Variants in ACSBG1 observed in about 807,000 individuals in gnomAD.
ACSBG1 encodes the protein long-chain-fatty-acid--CoA ligase ACSBG1.
In ACSBG1, 39 loss-of-function variants were observed where a neutral mutation model predicts 80.2. That is an observed-to-expected ratio of 0.49 (90% CI 0.38 to 0.64). ACSBG1 has a LOEUF of 0.64. ACSBG1 is among the 30% of genes least tolerant of loss of function. The pLI is 0.00. For missense variants in ACSBG1, 828 were observed against 966.4 expected (o/e 0.86, Z 1.90); for synonymous variants, 392 against 379.5 (o/e 1.03, Z -0.38).
At chr15:78,219,915 G>A (rs554955159) in intron 1 of ACSBG1, among the ~76,000 whole-genome samples, 2 of 152,144 alleles carry the variant, frequency 1.3e-5, no homozygotes, top group South Asian at 4.1e-4. Flanking sequence ...ACCTGGAGGC[G>A]GAGCTTGCAG....
intron 2 of ACSBG1, among the ~76,000 whole-genome samples, chr15:78,204,705 C>T (rs766792011): frequency 1.1e-4 from 16 of 152,226 alleles, no homozygotes; most frequent in Non-Finnish European, 1.8e-4. Context: ...TCGGAGGCTG[C>T]GGGGACAGGC....
rs1487539989 is a variant in ACSBG1 at position 78,182,237 on chromosome 15, T to A, written c.895-92A>T. ...GCCACCCTGGGGGCCAGCCCCAGTG[T>A]GGTGCCCCCTGTGGCGATTCTGCAG... On this transcript the variant is annotated intron_variant, in intron 7 of 13. Coordinates refer to ENST00000258873, the MANE Select transcript of ACSBG1 (RefSeq NM_015162.5). 3 of 1,488,412 alleles carry A rather than the reference T, an allele frequency of 2.0e-6. No individual in the cohort carries two copies. The East Asian group carries it at 7.0e-5, about 35-fold the overall frequency. The allele number at this position is 1,488,412 out of a possible 1,614,324, so 92.2% of individuals were successfully genotyped here. A position where few individuals can be genotyped will look rare whatever the true frequency, so the allele number is the denominator to read the frequency against.
rs184995092 is a variant in ACSBG1 at position 78,172,104 on chromosome 15, G to A, written c.2090-575C>T. Among the ~76,000 whole-genome samples, 176 of 152,352 alleles carry A rather than the reference G, an allele frequency of 1.2e-3. 1 individual carries two copies. The highest frequency in any genetic ancestry group is 3.5e-3 in the African/African-American group (144 of 41,584). On this transcript the variant is annotated intron_variant, in intron 13 of 13. Transcript: ENST00000258873. The surrounding 1 kb of genome is among the most constrained non-coding windows in gnomAD (Gnocchi z 4.1). ...GGAGCTGAGGCCTGCCGACAGCCACGTAAGTGAGCGCGGAGGTGAGCCTCA... is the reference window on the plus strand; with the variant it reads ...GGAGCTGAGGCCTGCCGACAGCCACATAAGTGAGCGCGGAGGTGAGCCTCA...
At chr15:78,197,303 C>G (rs763111462) in intron 2 of ACSBG1, among the ~76,000 whole-genome samples, 1 of 151,850 alleles carries the variant, frequency 6.6e-6, no homozygotes, top group Non-Finnish European at 1.5e-5. Context: ...AGGAAATGTC[C>G]CAACATTGGA....
chr15:78,179,662 C>G lies in ACSBG1; in HGVS notation c.1372G>C (p.Glu458Gln). The G allele has an allele frequency of 6.2e-7, 1 of 1,614,208 alleles. No homozygotes were observed. The highest frequency in any genetic ancestry group is 8.5e-7 in the Non-Finnish European group (1 of 1,180,030). ...NFYGAAPMMAETQHFFLGLNI... is the reference protein window; with the variant it reads ...NFYGAAPMMAQTQHFFLGLNI... ...AGACCCAGGAAGAAGTGCTGTGTCT[C>G]TGCCATCATGGGGGCCGCTCCATAG... Residue 458 changes from glutamate (E) to glutamine (Q), a missense_variant, in exon 10 of 14, where the codon GAG (glutamate) becomes CAG (glutamine). Transcript: ENST00000258873.
At chr15:78,173,986 C>T in intron 12 of ACSBG1, 147 bp from the exon 13 acceptor site, 1 of 987,648 alleles carries the variant, frequency 1.0e-6, no homozygotes, top group Non-Finnish European at 1.4e-6. Flanking sequence ...GTAGCTGCTA[C>T]TGTGTTGAGC....
intron 1 of ACSBG1, among the ~76,000 whole-genome samples, chr15:78,222,672 T>A (rs1365585239): frequency 6.6e-6 from 1 of 152,106 alleles, no homozygotes; most frequent in Admixed American, 6.5e-5. Flanking sequence ...TAGAAAAAGA[T>A]AATATTTTAA....
chr15:78,202,797 T>G (rs900912122), intron 2 of ACSBG1, among the ~76,000 whole-genome samples: 9 of 152,132 alleles, frequency 5.9e-5, no homozygotes, highest in Non-Finnish European at 1.3e-4. Flanking sequence ...GCAATCATAC[T>G]TTCTGGAAGT....
chr15:78,215,927 C>T (rs1198777396), intron 1 of ACSBG1, among the ~76,000 whole-genome samples: 3 of 152,166 alleles, frequency 2.0e-5, no homozygotes, highest in Non-Finnish European at 4.4e-5. Flanking sequence ...CACTAGCTGA[C>T]CTGCTGTGGT....
At chr15:78,208,915 TG>T (rs1242877730) in intron 1 of ACSBG1, among the ~76,000 whole-genome samples, 1 of 152,224 alleles carries the variant, frequency 6.6e-6, no homozygotes, top group Admixed American at 6.5e-5. Context: ...GCTGAGCAGC[TG>T]GATTTCAGTA....
Position 78,182,134 on chromosome 15 carries a change from C to T in ACSBG1, c.906G>A (p.Thr302=), listed in dbSNP as rs2304823. ...CACCGGCCTGGCTGCCGTACCGTGC[C>T]GTCCACGTGATCTGGAGGACAAGTA... ...VMLSQDNITW[T]ARYGSQAGDI... Residue 302 remains threonine (T), a synonymous_variant, in exon 8 of 14, where the codon ACG becomes ACA. Coordinates refer to ENST00000258873, the MANE Select transcript of ACSBG1 (RefSeq NM_015162.5). The T allele has an allele frequency of 0.035, 56,556 of 1,609,334 alleles. 2,239 individuals carry two copies. The highest frequency in any genetic ancestry group is 0.18 in the East Asian group (8,145 of 44,854).
chr15:78,234,550 C>T lies in ACSBG1; in HGVS notation c.-49G>A, dbSNP rs371456388. 37 of 1,542,762 alleles carry T rather than the reference C, an allele frequency of 2.4e-5. No individual in the cohort carries two copies. Among genetic ancestry groups the T allele is most frequent in the Middle Eastern group, 2.1e-4 (1 of 4,744 alleles). On this transcript the variant is annotated 5_prime_UTR_variant, in exon 1 of 14. Transcript: ENST00000258873. ...CAGCTCAGTCACCCACTGAGAGAGG[C>T]TAGCCTTGAGTGAGCAGTGGGGGTG... is the stretch of plus-strand genomic sequence containing the variant.
Position 78,178,586 on chromosome 15 carries a change from G to A in ACSBG1, c.1702+28C>T, listed in dbSNP as rs770560069. ...CAAAGTGCTGGGATTACAGGCATGA[G>A]CCACCGTGCCTGGCCTGGGGTGCTC... On this transcript the variant is annotated intron_variant, in intron 11 of 13. Transcript: ENST00000258873. This position sits in a 1 kb window ranked among gnomAD's most constrained non-coding sequence, Gnocchi z 4.3. 1 of 1,579,896 alleles carries A rather than the reference G, an allele frequency of 6.3e-7. No individual in the cohort carries two copies. The highest frequency in any genetic ancestry group is 8.6e-7 in the Non-Finnish European group (1 of 1,163,792).
At chr15:78,223,573 TCA>T (rs2075376444) in intron 1 of ACSBG1, among the ~76,000 whole-genome samples, 1 of 152,154 alleles carries the variant, frequency 6.6e-6, no homozygotes, top group South Asian at 2.1e-4. Context: ...AGCTGCCACG[TCA>T]CAGACACTCA....
chr15:78,226,782 A>G (rs1173525255), intron 1 of ACSBG1, among the ~76,000 whole-genome samples: 2 of 109,984 alleles, frequency 1.8e-5, no homozygotes, highest in Non-Finnish European at 3.6e-5. Flanking sequence ...GAACACATAG[A>G]AAAATATATA....
chr15:78,188,164 G>T (rs368776131), intron 5 of ACSBG1, among the ~76,000 whole-genome samples: 2 of 152,048 alleles, frequency 1.3e-5, no homozygotes, highest in Non-Finnish European at 2.9e-5. Flanking sequence ...CACTGCTCAA[G>T]GAAATAAAAG....
chr15:78,227,456 CT>C (rs1286417828), intron 1 of ACSBG1, among the ~76,000 whole-genome samples: 2 of 151,948 alleles, frequency 1.3e-5, no homozygotes, highest in African/African-American at 4.8e-5. Flanking sequence ...TGAAAATATG[CT>C]CAATATCATT....
intron 2 of ACSBG1, 102 bp downstream of exon 2, chr15:78,207,900 G>A (rs1005045990): frequency 4.5e-5 from 40 of 894,634 alleles, no homozygotes; most frequent in Non-Finnish European, 5.6e-5. Context: ...GCTCCTTCCC[G>A]CAGTTCTGTG....
chr15:78,197,457 G>A (rs4887014), intron 2 of ACSBG1, among the ~76,000 whole-genome samples: 88,498 of 151,930 alleles, frequency 0.58, 27,976 homozygotes, highest in Admixed American at 0.7. Flanking sequence ...GGTGGCTTAC[G>A]CCTGTAATCC....
Sources: allele counts gnomAD v4.1 joint callset (sites outside exome capture counted in the v4.1 genomes callset), GRCh38; gene constraint gnomAD v4.1.1; non-coding constraint Gnocchi (gnomAD v3.1); transcripts MANE v1.5; gene names NCBI Gene and HGNC (gene_info 2026-07-23, HGNC 2026-07-21).